The following SNX24 variants were observed in gnomAD, a reference collection of about 807,000 sequenced individuals.
SNX24 encodes sorting nexin 24, also known as sorting nexin-24.
A neutral mutation model predicts 28.7 loss-of-function variants in SNX24; 22 were observed. That is an observed-to-expected ratio of 0.77 (90% CI 0.55 to 1.10). The LOEUF is 1.10. Ranked by LOEUF, SNX24 falls within the 50% of genes least tolerant of loss-of-function variation. The probability of loss-of-function intolerance (pLI) is 0.00; values close to 1 mark genes in which losing one functional copy is unlikely to be tolerated. For synonymous variants in SNX24, 69 were observed against 71.5 expected (o/e 0.96, Z 0.18); for missense variants, 221 against 201.1 (o/e 1.10, Z -0.60).
chr5:122,863,845 G>A (rs533393732), intron 1 of SNX24, among the ~76,000 whole-genome samples: 5 of 152,324 alleles, frequency 3.3e-5, no homozygotes, highest in Admixed American at 2.0e-4. Context: ...ATGAGGCACC[G>A]TACCTAGCCC....
chr5:122,963,877 T>C (rs1461599987), intron 3 of SNX24, among the ~76,000 whole-genome samples: 1 of 152,182 alleles, frequency 6.6e-6, no homozygotes, highest in African/African-American at 2.4e-5. Flanking sequence ...ATGTAATACA[T>C]ATATATGCAC....
At chr5:122,978,797 C>G (rs1761273284) in intron 3 of SNX24, among the ~76,000 whole-genome samples, 1 of 152,124 alleles carries the variant, frequency 6.6e-6, no homozygotes, top group East Asian at 1.9e-4. Context: ...ACATTGAAAA[C>G]CAAGACTTAA....
chr5:122,894,223 T>A (rs191014552), intron 1 of SNX24, among the ~76,000 whole-genome samples: 1 of 152,246 alleles, frequency 6.6e-6, no homozygotes, highest in Non-Finnish European at 1.5e-5. Context: ...CTTGGTCCCT[T>A]CCATTCTACA....
At chr5:122,977,050 G>A (rs1717048767) in intron 3 of SNX24, among the ~76,000 whole-genome samples, 3 of 152,064 alleles carry the variant, frequency 2.0e-5, no homozygotes, top group East Asian at 3.9e-4. Flanking sequence ...GCATTGCACT[G>A]TAGACAGGCA....
intron 1 of SNX24, among the ~76,000 whole-genome samples, chr5:122,915,397 A>G (rs1758115342): frequency 6.6e-6 from 1 of 152,174 alleles, no homozygotes; most frequent in Non-Finnish European, 1.5e-5. Flanking sequence ...AGGCTGAGAC[A>G]GGGTGATTGC....
chr5:122,884,464 G>C (rs2081011), intron 1 of SNX24, among the ~76,000 whole-genome samples: 4,061 of 151,308 alleles, frequency 0.027, 94 homozygotes, highest in East Asian at 0.041. Context: ...CCAGGCTGGA[G>C]GCTCTTGAAC....
At chr5:122,929,599 AC>A (rs1195912454) in intron 1 of SNX24, among the ~76,000 whole-genome samples, 2 of 152,158 alleles carry the variant, frequency 1.3e-5, no homozygotes, top group Non-Finnish European at 2.9e-5. Context: ...TTGCACCTTT[AC>A]ATTGTATATA....
At chr5:122,938,473 A>G (rs1301309291) in intron 2 of SNX24, among the ~76,000 whole-genome samples, 1 of 152,186 alleles carries the variant, frequency 6.6e-6, no homozygotes, top group Non-Finnish European at 1.5e-5. Context: ...AGCCTTGTTA[A>G]AATATTTGAG....
At position 122,850,295 on chromosome 5, in the gene SNX24, A is replaced by C. The variant is rs1005842949; in HGVS notation, c.60+4602A>C. On this transcript the variant is annotated intron_variant, in intron 1 of 6. Transcript: ENST00000261369. ...TAGGTGATCCCTGCTTGTTGTGTAGAAGTGGCAAAGATCTCACTGGGACCT... is the reference window on the plus strand; with the variant it reads ...TAGGTGATCCCTGCTTGTTGTGTAGCAGTGGCAAAGATCTCACTGGGACCT... 7.2e-5 allele frequency among the ~76,000 whole-genome samples: 11 copies of C among 152,148 alleles called. 1 individual carries two copies. Among genetic ancestry groups the C allele is most frequent in the African/African-American group, 2.4e-4 (10 of 41,414 alleles).
chr5:122,846,248 T>C (rs773671387), intron 1 of SNX24, among the ~76,000 whole-genome samples: 13 of 152,200 alleles, frequency 8.5e-5, no homozygotes, highest in Non-Finnish European at 1.6e-4. Flanking sequence ...GCTGAGCACC[T>C]GTTTCATACC....
rs572619047 is a variant in SNX24 at position 122,997,513 on chromosome 5, T to C, written c.250-2399T>C. ...AGTGTAAATAGCTTTTTTCCTGTCT[T>C]TTGTCATTAATGATCATGCCGTAGA... On this transcript the variant is annotated intron_variant, in intron 3 of 6. Transcript: ENST00000261369. Among the ~76,000 whole-genome samples the C allele has an allele frequency of 3.7e-3, 558 of 152,290 alleles. 4 individuals carry two copies. Among genetic ancestry groups the C allele is most frequent in the African/African-American group, 0.012 (517 of 41,554 alleles).
chr5:122,881,211 T>C (rs1276800513), intron 1 of SNX24, among the ~76,000 whole-genome samples: 2 of 95,152 alleles, frequency 2.1e-5, no homozygotes, highest in East Asian at 4.4e-4. Context: ...TATGGAGTTA[T>C]GTTTTATGAT....
At chr5:122,875,799 A>AT (rs936292732) in intron 1 of SNX24, among the ~76,000 whole-genome samples, 7 of 152,126 alleles carry the variant, frequency 4.6e-5, no homozygotes, top group African/African-American at 1.7e-4. Flanking sequence ...TTATTTATTT[A>AT]TTTTTTTGAG....
intron 1 of SNX24, among the ~76,000 whole-genome samples, chr5:122,927,147 C>T (rs1176883784): frequency 6.6e-6 from 1 of 152,104 alleles, no homozygotes; most frequent in Admixed American, 6.5e-5. Context: ...GTGATAGGTG[C>T]CATTATAAAC....
intron 1 of SNX24, among the ~76,000 whole-genome samples, chr5:122,924,700 C>T (rs1758601762): frequency 6.6e-6 from 1 of 152,064 alleles, no homozygotes; most frequent in African/African-American, 2.4e-5. Context: ...TTTTATATAC[C>T]TTGTCGTATT....
chr5:122,999,060 G>C (rs1335239305), intron 3 of SNX24, among the ~76,000 whole-genome samples: 7 of 152,128 alleles, frequency 4.6e-5, no homozygotes, highest in Non-Finnish European at 1.0e-4. Flanking sequence ...AGAGGGGGAG[G>C]GGGAGGGGGA....
intron 1 of SNX24, among the ~76,000 whole-genome samples, chr5:122,854,231 G>A (rs1464528657): frequency 3.9e-5 from 6 of 152,140 alleles, no homozygotes; most frequent in African/African-American, 4.8e-5. Context: ...AGTGTAGGCC[G>A]GGTGCAGTAG....
At chr5:122,919,868 G>C (rs34731525) in intron 1 of SNX24, among the ~76,000 whole-genome samples, 7,698 of 152,010 alleles carry the variant, frequency 0.051, 257 homozygotes, top group African/African-American at 0.087. Context: ...GGAGGCACAG[G>C]GTTATAACAA....
chr5:122,974,258 G>A (rs1468140319), intron 3 of SNX24, among the ~76,000 whole-genome samples: 2 of 152,170 alleles, frequency 1.3e-5, no homozygotes, highest in African/African-American at 4.8e-5. Flanking sequence ...TCAACCTCTG[G>A]CATGCAAGTG....
Sources: gnomAD v4.1 joint callset for allele counts (sites outside exome capture counted in the v4.1 genomes callset) on GRCh38, gnomAD v4.1.1 for gene constraint, MANE v1.5 for transcripts, NCBI Gene and HGNC (gene_info 2026-07-23, HGNC 2026-07-21) for gene names.